The following PACRG variants were observed in gnomAD, a reference collection of about 807,000 sequenced individuals.
The protein encoded by PACRG is parkin coregulated.
A neutral mutation model predicts 29.7 loss-of-function variants in PACRG; 29 were observed. The observed-to-expected ratio is 0.98, with a 90% CI of 0.73 to 1.33. The LOEUF is 1.33. Among genes scored for constraint, PACRG ranks in the 40% most tolerant of loss-of-function variants. PACRG has a pLI of 0.00. For synonymous variants in PACRG, 116 were observed against 118.7 expected (o/e 0.98, Z 0.15); for missense variants, 279 against 316.2 (o/e 0.88, Z 0.89).
chr6:163,213,957 T>TC, intron 4 of PACRG, among the ~76,000 whole-genome samples: 1 of 152,222 alleles, frequency 6.6e-6, no homozygotes, highest in East Asian at 1.9e-4. Context: ...CCTCTCTTTT[T>TC]CCCACCTTTG....
intron 4 of PACRG, among the ~76,000 whole-genome samples, chr6:163,215,447 A>T (rs1781324515): frequency 6.6e-6 from 1 of 152,212 alleles, no homozygotes; most frequent in Admixed American, 6.5e-5. Context: ...AATTTAGTAG[A>T]TTCCATTCTC....
At chr6:163,212,725 C>T (rs552847457) in intron 4 of PACRG, among the ~76,000 whole-genome samples, 1 of 141,348 alleles carries the variant, frequency 7.1e-6, no homozygotes, top group South Asian at 2.3e-4. Context: ...TATCTCCCAA[C>T]AAAATGCACA....
Position 163,196,960 on chromosome 6 carries a change from T to TAGATAGAC in PACRG, c.613+107559_613+107560insCAGATAGA, listed in dbSNP as rs1554384782. Reference sequence around the variant, plus strand: ...ATAGATAGATAGATAGATAGATAGATAGATAGATAGAGGCGGACAGACAGC... The same window carrying TAGATAGAC: ...ATAGATAGATAGATAGATAGATAGATAGATAGACAGATAGATAGAGGCGGACAGACAGC... On this transcript the variant is annotated intron_variant, in intron 4 of 4. Transcript: ENST00000366888. Among the ~76,000 whole-genome samples the TAGATAGAC allele has an allele frequency of 6.7e-3, 999 of 149,374 alleles. 16 individuals are homozygous for TAGATAGAC. Among genetic ancestry groups the TAGATAGAC allele is most frequent in the African/African-American group, 0.02 (802 of 39,460 alleles).
rs181940263 is a variant in PACRG, at chr6:162,803,384, G to A, written c.157-10763G>A. Among the ~76,000 whole-genome samples, 4 of 152,286 alleles carry A rather than the reference G, an allele frequency of 2.6e-5. No homozygotes were observed. The East Asian group carries it at 7.7e-4, about 29-fold the overall frequency. ...AGAGACTGACAGTCAGCTTGCAAAT[G>A]TCTTTGTGTAGTGTGTCAATGGGAA... On this transcript the variant is annotated intron_variant, in intron 1 of 4. Transcript: ENST00000366888.
At chr6:163,011,454 A>G (rs1805606597) in intron 2 of PACRG, among the ~76,000 whole-genome samples, 1 of 152,250 alleles carries the variant, frequency 6.6e-6, no homozygotes, top group South Asian at 2.1e-4. Flanking sequence ...AAGATAAAAA[A>G]TGGTACACCT....
intron 2 of PACRG, among the ~76,000 whole-genome samples, chr6:162,930,254 C>A (rs1797751208): frequency 2.6e-5 from 4 of 151,516 alleles, no homozygotes; most frequent in Admixed American, 2.6e-4. Context: ...TTTTTCTGGT[C>A]TCTCCAAGTC....
At chr6:162,890,873 G>C (rs1794703422) in intron 2 of PACRG, among the ~76,000 whole-genome samples, 1 of 152,178 alleles carries the variant, frequency 6.6e-6, no homozygotes, top group Non-Finnish European at 1.5e-5. Context: ...AGTCTCTGTG[G>C]CTGATGGTTT....
intron 2 of PACRG, among the ~76,000 whole-genome samples, chr6:163,010,322 A>C (rs567931533): frequency 3.3e-5 from 5 of 152,228 alleles, no homozygotes; most frequent in Admixed American, 2.0e-4. Context: ...TTTGTATCGC[A>C]TTCCCTCAGA....
chr6:163,224,871 T>G (rs1218761488), intron 4 of PACRG, among the ~76,000 whole-genome samples: 1 of 152,042 alleles, frequency 6.6e-6, no homozygotes, highest in African/African-American at 2.4e-5. Context: ...CTAAAAAGCT[T>G]CTGTACAGCA....
chr6:163,164,761 T>C (rs962591988), intron 4 of PACRG, among the ~76,000 whole-genome samples: 9 of 152,218 alleles, frequency 5.9e-5, no homozygotes, highest in Non-Finnish European at 5.9e-5. Flanking sequence ...ATAGGCCACA[T>C]GGTTTAGAGA....
intron 2 of PACRG, among the ~76,000 whole-genome samples, chr6:162,833,871 G>A (rs1788990170): frequency 6.6e-6 from 1 of 152,068 alleles, no homozygotes; most frequent in African/African-American, 2.4e-5. Flanking sequence ...GGCCCATGAT[G>A]TAAAGTTTAA....
chr6:162,757,950 A>T (rs1484338671), intron 1 of PACRG, among the ~76,000 whole-genome samples: 2 of 152,136 alleles, frequency 1.3e-5, no homozygotes, highest in Non-Finnish European at 2.9e-5. Flanking sequence ...TGAAAATTAT[A>T]CTCGAATTAT....
At chr6:162,872,823 A>G (rs1792939387) in intron 2 of PACRG, among the ~76,000 whole-genome samples, 1 of 152,210 alleles carries the variant, frequency 6.6e-6, no homozygotes, top group Non-Finnish European at 1.5e-5. Flanking sequence ...TTCCAAGCAC[A>G]GTTTGCATAA....
At chr6:163,195,519 A>G (rs1180300981) in intron 4 of PACRG, among the ~76,000 whole-genome samples, 4 of 152,028 alleles carry the variant, frequency 2.6e-5, no homozygotes, top group African/African-American at 7.2e-5. Context: ...AGTGTTTTCA[A>G]TGTGGTGTGA....
chr6:162,909,977 A>C (rs1796197240), intron 2 of PACRG, among the ~76,000 whole-genome samples: 1 of 152,222 alleles, frequency 6.6e-6, no homozygotes, highest in Admixed American at 6.5e-5. Context: ...GTCAGTATGT[A>C]TAGTGTTAAA....
intron 4 of PACRG, among the ~76,000 whole-genome samples, chr6:163,268,816 G>A (rs542885245): frequency 2.6e-5 from 4 of 152,254 alleles, no homozygotes; most frequent in African/African-American, 4.8e-5. Context: ...GTGGCTCCCC[G>A]TAGCTTCCTT....
At chr6:162,937,282 T>C (rs2128113388) in intron 2 of PACRG, among the ~76,000 whole-genome samples, 1 of 152,342 alleles carries the variant, frequency 6.6e-6, no homozygotes, top group Middle Eastern at 3.4e-3. Context: ...ATTAACCTGA[T>C]ATATTTTAAA....
chr6:163,229,194 C>A (rs1781925674), intron 4 of PACRG, among the ~76,000 whole-genome samples: 1 of 152,116 alleles, frequency 6.6e-6, no homozygotes, highest in Non-Finnish European at 1.5e-5. Context: ...ACCCCCGTCT[C>A]TACAGAAAAG....
At chr6:162,739,436 G>T (rs1038213453) in intron 1 of PACRG, among the ~76,000 whole-genome samples, 1 of 152,066 alleles carries the variant, frequency 6.6e-6, no homozygotes, top group African/African-American at 2.4e-5. Context: ...TTTTCTTGCA[G>T]TTAGCGACTT....
Sources: gnomAD v4.1 joint callset for allele counts (sites outside exome capture counted in the v4.1 genomes callset) on GRCh38, gnomAD v4.1.1 for gene constraint, MANE v1.5 for transcripts, NCBI Gene and HGNC (gene_info 2026-07-23, HGNC 2026-07-21) for gene names.